Variants in TMEM131L observed in about 807,000 individuals in gnomAD.
TMEM131L encodes transmembrane 131 like, also known as transmembrane protein 131-like.
In TMEM131L, 54 loss-of-function variants were observed where a neutral mutation model predicts 192.2. The observed-to-expected ratio is 0.28, with a 90% confidence interval of 0.23 to 0.35. The LOEUF is 0.35. Among genes scored for constraint, TMEM131L ranks in the 10% least tolerant of loss-of-function variants. TMEM131L has a pLI of 1.00. For missense variants in TMEM131L, 1,888 were observed against 1,972.9 expected (o/e 0.96, Z 0.82); for synonymous variants, 701 against 704.9 (o/e 0.99, Z 0.09).
intron 13 of TMEM131L, among the ~76,000 whole-genome samples, 157 bp from the exon 14 acceptor site, chr4:153,586,052 A>G (rs773038789): frequency 1.3e-4 from 20 of 152,208 alleles, no homozygotes; most frequent in Non-Finnish European, 2.4e-4. Context: ...TTTGTAACCT[A>G]TCATTTCTAT....
intron 7 of TMEM131L, among the ~76,000 whole-genome samples, chr4:153,564,902 G>A (rs1578755746): frequency 6.6e-6 from 1 of 152,210 alleles, no homozygotes; most frequent in African/African-American, 2.4e-5. Flanking sequence ...TCCAGGCTCA[G>A]AGCTTCTACC....
Position 153,627,230 on chromosome 4 carries a change from C to T in TMEM131L, c.4125-375C>T, listed in dbSNP as rs59333034. On this transcript the variant is annotated intron_variant, in intron 30 of 34. Coordinates refer to ENST00000409959, the MANE Select transcript of TMEM131L (RefSeq NM_001131007.2). ...CAGTCAGCCTCCTTCCCTTGGGCCA[C>T]GCATCTCCCTTCTGTACTTTTCTGT... Among the ~76,000 whole-genome samples the T allele has an allele frequency of 2.0e-3, 304 of 152,162 alleles. 2 individuals carry two copies. The highest frequency in any genetic ancestry group is 7.1e-3 in the African/African-American group (293 of 41,488).
At chr4:153,538,613 A>C (rs1736522482) in intron 3 of TMEM131L, among the ~76,000 whole-genome samples, 1 of 152,088 alleles carries the variant, frequency 6.6e-6, no homozygotes, top group Non-Finnish European at 1.5e-5. Flanking sequence ...ACTGCTGAAA[A>C]ACCCGCCTCC....
At chr4:153,562,806 CTGTT>C (rs981852926) in intron 7 of TMEM131L, among the ~76,000 whole-genome samples, 2 of 151,970 alleles carry the variant, frequency 1.3e-5, no homozygotes, top group African/African-American at 2.4e-5. Context: ...GAAAATAACT[CTGTT>C]TGGTTTAGGA....
At chr4:153,505,435 A>C (rs1201587887) in intron 3 of TMEM131L, among the ~76,000 whole-genome samples, 5 of 152,164 alleles carry the variant, frequency 3.3e-5, no homozygotes, top group Non-Finnish European at 5.9e-5. Context: ...CAGGGATGCC[A>C]GTCATACTGG....
intron 3 of TMEM131L, among the ~76,000 whole-genome samples, chr4:153,533,719 C>G (rs994258904): frequency 1.3e-5 from 2 of 152,200 alleles, no homozygotes; most frequent in Non-Finnish European, 2.9e-5. Flanking sequence ...CTAGCTTAAT[C>G]TCTTTCTAAA....
At chr4:153,593,288 C>T (rs1267119085) in intron 18 of TMEM131L, among the ~76,000 whole-genome samples, 1 of 152,130 alleles carries the variant, frequency 6.6e-6, no homozygotes, top group East Asian at 1.9e-4. Flanking sequence ...GTATTTTGGA[C>T]CAGATGGTTC....
intron 3 of TMEM131L, among the ~76,000 whole-genome samples, chr4:153,519,220 G>A (rs1377443907): frequency 2.0e-5 from 3 of 152,080 alleles, no homozygotes; most frequent in Non-Finnish European, 4.4e-5. Flanking sequence ...GATTTGGTAG[G>A]GAAAGTTCTC....
chr4:153,551,937 G>A (rs554540082), intron 4 of TMEM131L, among the ~76,000 whole-genome samples: 5 of 152,030 alleles, frequency 3.3e-5, no homozygotes, highest in Admixed American at 1.3e-4. Context: ...GGCTGAGCGC[G>A]GTGGCTCACA....
At chr4:153,560,735 C>CT (rs35177646) in intron 7 of TMEM131L, among the ~76,000 whole-genome samples, 1 of 152,138 alleles carries the variant, frequency 6.6e-6, no homozygotes. Context: ...TATTTCATTC[C>CT]TTTTTATTGC....
intron 34 of TMEM131L, 55 bp from the exon 35 acceptor site, chr4:153,636,246 T>C: frequency 6.8e-7 from 1 of 1,471,522 alleles, no homozygotes; most frequent in Non-Finnish European, 9.1e-7. Context: ...TATTCACCTT[T>C]CTAAGGCTTT....
intron 3 of TMEM131L, among the ~76,000 whole-genome samples, chr4:153,513,001 C>T (rs1734465006): frequency 6.6e-6 from 1 of 152,304 alleles, no homozygotes; most frequent in South Asian, 2.1e-4. Context: ...GTCTGTCATG[C>T]CCAGGTACTA....
intron 7 of TMEM131L, among the ~76,000 whole-genome samples, chr4:153,565,889 A>C (rs1333655751): frequency 2.0e-5 from 3 of 152,190 alleles, no homozygotes; most frequent in Admixed American, 6.5e-5. Flanking sequence ...AGAAGGCAAG[A>C]AATTTTATTA....
At chr4:153,502,449 G>A (rs1328373274) in intron 3 of TMEM131L, among the ~76,000 whole-genome samples, 3 of 152,140 alleles carry the variant, frequency 2.0e-5, no homozygotes, top group Non-Finnish European at 4.4e-5. Context: ...TCAATCCTAG[G>A]CTTCTGTAAG....
chr4:153,515,695 A>C (rs1734681982), intron 3 of TMEM131L, among the ~76,000 whole-genome samples: 1 of 152,226 alleles, frequency 6.6e-6, no homozygotes, highest in South Asian at 2.1e-4. Context: ...CTTTTCATAC[A>C]TGACTTTTCT....
intron 3 of TMEM131L, among the ~76,000 whole-genome samples, chr4:153,507,299 T>C (rs997050397): frequency 6.6e-6 from 1 of 152,202 alleles, no homozygotes; most frequent in African/African-American, 2.4e-5. Context: ...TGGCTGTTAG[T>C]AGCCGAGGCA....
intron 3 of TMEM131L, among the ~76,000 whole-genome samples, chr4:153,526,599 G>A (rs934158215): frequency 3.3e-5 from 5 of 152,076 alleles, no homozygotes; most frequent in Non-Finnish European, 5.9e-5. Flanking sequence ...TTAGCCGGGC[G>A]TGGTGGCGGG....
intron 32 of TMEM131L, 110 bp downstream of exon 32, chr4:153,632,948 C>G: frequency 3.9e-6 from 5 of 1,289,208 alleles, no homozygotes; most frequent in Non-Finnish European, 4.4e-6. Context: ...TAGGCTTCTT[C>G]CTTGGTGTAC....
chr4:153,591,213 T>G lies in TMEM131L; in HGVS notation c.1812+19T>G. ...CAGGATGGTGAGGACAGTGTGTCTT[T>G]TCATTTCTTTGTCAGTGACTCCCCA... is the stretch of plus-strand genomic sequence containing the variant. On this transcript the variant is annotated intron_variant, in intron 17 of 34. Coordinates refer to ENST00000409959, the MANE Select transcript of TMEM131L (RefSeq NM_001131007.2). 6.4e-7 allele frequency: 1 copy of G among 1,561,654 alleles called. No individual in the cohort carries two copies. Among genetic ancestry groups the G allele is most frequent in the Non-Finnish European group, 8.7e-7 (1 of 1,152,662 alleles).
Sources: gnomAD v4.1 joint callset for allele counts (sites outside exome capture counted in the v4.1 genomes callset) on GRCh38, gnomAD v4.1.1 for gene constraint, MANE v1.5 for transcripts, NCBI Gene and HGNC (gene_info 2026-07-23, HGNC 2026-07-21) for gene names.